The following NPHP1 variants were observed in gnomAD, a reference collection of about 807,000 sequenced individuals.
NPHP1 encodes the protein nephrocystin-1.
A neutral mutation model predicts 90.4 loss-of-function variants in NPHP1; 70 were observed. The ratio of observed to expected loss-of-function variants is 0.77; its 90% CI spans 0.64 to 0.95. The LOEUF is 0.95. Among genes scored for constraint, NPHP1 ranks in the 40% least tolerant of loss-of-function variants. NPHP1 has a pLI of 0.00. For missense variants in NPHP1, 764 were observed against 795.9 expected, an observed-to-expected ratio of 0.96 and a Z score of 0.48; for synonymous variants, 256 against 271.7, an observed-to-expected ratio of 0.94 and a Z score of 0.57.
intron 9 of NPHP1, among the ~76,000 whole-genome samples, 183 bp from the exon 10 acceptor site, chr2:110,161,880 TTACAGA>T (rs2104549345): frequency 6.6e-6 from 1 of 152,164 alleles, no homozygotes; most frequent in South Asian, 2.1e-4. Flanking sequence ...AGTACAAAAC[TTACAGA>T]TACAAACACA....
intron 6 of NPHP1, among the ~76,000 whole-genome samples, chr2:110,167,345 G>A (rs1338312185): frequency 6.6e-6 from 1 of 152,074 alleles, no homozygotes; most frequent in African/African-American, 2.4e-5. Flanking sequence ...AGAACTTTCA[G>A]CCCCACCCTC....
At chr2:110,200,541 T>C (rs1685507362) in intron 2 of NPHP1, among the ~76,000 whole-genome samples, 1 of 152,072 alleles carries the variant, frequency 6.6e-6, no homozygotes. Context: ...CCAGCCTGGG[T>C]GACAGAGTGA....
chr2:110,129,012 T>G (rs1334512868), intron 18 of NPHP1, 174 bp downstream of exon 18: 3 of 636,150 alleles, frequency 4.7e-6, no homozygotes, highest in Non-Finnish European at 8.6e-6. Context: ...AGGCAGCCCT[T>G]GGGAATTTAT....
intron 2 of NPHP1, among the ~76,000 whole-genome samples, chr2:110,185,353 T>A (rs1045228634): frequency 6.6e-6 from 1 of 152,160 alleles, no homozygotes; most frequent in African/African-American, 2.4e-5. Context: ...CCAGAAAGGA[T>A]GAGGAACTAC....
At chr2:110,175,125 G>A (rs893114797) in intron 4 of NPHP1, among the ~76,000 whole-genome samples, 3 of 152,066 alleles carry the variant, frequency 2.0e-5, no homozygotes, top group African/African-American at 4.8e-5. Flanking sequence ...AGGAGCAATG[G>A]TTTAGCATTT....
intron 4 of NPHP1, among the ~76,000 whole-genome samples, chr2:110,171,510 G>C: frequency 6.6e-6 from 1 of 152,092 alleles, no homozygotes; most frequent in East Asian, 1.9e-4. Flanking sequence ...ATACCACAAT[G>C]ATCTAAAACA....
chr2:110,178,688 T>A, intron 3 of NPHP1, 141 bp from the exon 4 acceptor site: 2 of 703,386 alleles, frequency 2.8e-6, no homozygotes, highest in Non-Finnish European at 4.6e-6. Flanking sequence ...GGAAATAAAT[T>A]AGATTTAAAA....
At chr2:110,168,613 A>G (rs971559487) in intron 5 of NPHP1, 60 bp from the exon 6 acceptor site, 4 of 1,061,914 alleles carry the variant, frequency 3.8e-6, no homozygotes, top group Non-Finnish European at 5.8e-6. Flanking sequence ...AGTATATGTC[A>G]ATACCAATGA....
chr2:110,140,764 A>G (rs1680563680), intron 16 of NPHP1, among the ~76,000 whole-genome samples: 1 of 152,170 alleles, frequency 6.6e-6, no homozygotes. Flanking sequence ...AAGGCTGGCC[A>G]AAAAAGAGGA....
intron 11 of NPHP1, 30 bp downstream of exon 11, chr2:110,160,097 A>G: frequency 6.2e-7 from 1 of 1,605,088 alleles, no homozygotes; most frequent in Non-Finnish European, 8.5e-7. Context: ...TAATCCTAGT[A>G]TGAATTGATT....
rs978706477 is a variant in NPHP1, at chr2:110,151,195, A to G, written c.1084-939T>C. On this transcript the variant is annotated intron_variant, in intron 11 of 19. Transcript: ENST00000445609. ...AAAAAAAAAAAAAAAAAAAGATGTG[A>G]CCCATACAAGCATTTCACATGCAGT... 1.1e-4 allele frequency among the ~76,000 whole-genome samples: 17 copies of G among 147,934 alleles called. 1 individual carries two copies. Among genetic ancestry groups the G allele is most frequent in the African/African-American group, 4.2e-4 (17 of 40,690 alleles).
chr2:110,190,371 T>C (rs2104664593), intron 2 of NPHP1, among the ~76,000 whole-genome samples: 1 of 152,294 alleles, frequency 6.6e-6, no homozygotes, highest in Admixed American at 6.5e-5. Flanking sequence ...TCCCGAGCCC[T>C]GCCCCGCGGG....
chr2:110,192,747 C>T (rs1209226355), intron 2 of NPHP1, among the ~76,000 whole-genome samples: 1 of 152,112 alleles, frequency 6.6e-6, no homozygotes, highest in East Asian at 1.9e-4. Context: ...ATGTTAAGGG[C>T]AGCCAGAGAG....
chr2:110,204,719 G>T (rs1471596701), intron 1 of NPHP1, among the ~76,000 whole-genome samples, 181 bp downstream of exon 1: 1 of 152,046 alleles, frequency 6.6e-6, no homozygotes, highest in African/African-American at 2.4e-5. Flanking sequence ...GGATCAGGAG[G>T]GGTTTGAATC....
In NPHP1 at chr2:110,174,435, T is replaced by C. The variant is rs188927449; in HGVS notation, c.329+3988A>G. ...TACAATATGCATCCCTAACTTATCATAGTCTAATTTAAATATCACATTTCA... is the reference window on the plus strand; with the variant it reads ...TACAATATGCATCCCTAACTTATCACAGTCTAATTTAAATATCACATTTCA... On this transcript the variant is annotated intron_variant, in intron 4 of 19. Transcript: ENST00000445609. Among the ~76,000 whole-genome samples, 5 of 152,320 alleles carry C rather than the reference T, an allele frequency of 3.3e-5. No individual in the cohort carries two copies. In the East Asian group the frequency reaches 9.6e-4, roughly 29 times the overall value.
intron 8 of NPHP1, chr2:110,164,452 T>G: frequency 1.2e-6 from 1 of 805,626 alleles, no homozygotes; most frequent in Non-Finnish European, 2.2e-6. Context: ...TTCCAAGTCC[T>G]CAAGTGACAC....
Position 110,123,846 on chromosome 2 carries a change from T to C in NPHP1, c.1979A>G (p.Asp660Gly). 1 of 1,614,056 alleles carries C rather than the reference T, an allele frequency of 6.2e-7. No homozygotes were observed. The highest frequency in any genetic ancestry group is 2.2e-5 in the East Asian group (1 of 44,876). ...LSPDGVHEPF[D>G]LSEQTYDFLG... ...GAAGTCATAGGTCTGCTCTGAAAGG[T>C]CAAAAGGTTCATGAACTCCGTCTGG... The change falls in exon 20 of 20, where the codon GAC (aspartate) becomes GGC (glycine). Residue 660 changes from aspartate to glycine, a missense_variant. By Grantham distance (94) the Asp-to-Gly change is moderately conservative. Transcript: ENST00000445609.
chr2:110,148,564 GA>G (rs1681239375), intron 12 of NPHP1, among the ~76,000 whole-genome samples: 1 of 152,112 alleles, frequency 6.6e-6, no homozygotes, highest in Non-Finnish European at 1.5e-5. Flanking sequence ...ACAAAAAGCA[GA>G]TGGACTGAAT....
intron 16 of NPHP1, among the ~76,000 whole-genome samples, chr2:110,142,511 C>T (rs559749608): frequency 1.5e-4 from 22 of 151,002 alleles, no homozygotes; most frequent in African/African-American, 5.2e-4. Context: ...CATCACCATA[C>T]CCAGCTAATT....
Sources: gnomAD v4.1 joint callset for allele counts (sites outside exome capture counted in the v4.1 genomes callset) on GRCh38, gnomAD v4.1.1 for gene constraint, MANE v1.5 for transcripts, NCBI Gene and HGNC (gene_info 2026-07-23, HGNC 2026-07-21) for gene names.